SCAP: variants seen among roughly 807,000 people sequenced by gnomAD.
SCAP encodes the protein SREBF chaperone.
In SCAP, 65 loss-of-function variants were observed where a neutral mutation model predicts 123.6. That is an observed-to-expected ratio of 0.53 (90% CI 0.43 to 0.65). The LOEUF (loss-of-function observed/expected upper bound fraction) is 0.65. Among genes scored for constraint, SCAP ranks in the 30% least tolerant of loss-of-function variants. SCAP has a pLI of 0.00. For missense variants in SCAP, 1,398 were observed against 1,712.5 expected, an observed-to-expected ratio of 0.82 and a Z score of 3.24; for synonymous variants, 740 against 726.3, an observed-to-expected ratio of 1.02 and a Z score of -0.30.
intron 2 of SCAP, among the ~76,000 whole-genome samples, chr3:47,437,223 T>G (rs1207756397): frequency 6.6e-6 from 1 of 151,926 alleles, no homozygotes; most frequent in African/African-American, 2.4e-5. Flanking sequence ...GTGGATCACC[T>G]GAGATCGGGA....
At chr3:47,426,348 G>C (rs1365096942) in intron 6 of SCAP, among the ~76,000 whole-genome samples, 179 bp from the exon 7 acceptor site, 2 of 152,126 alleles carry the variant, frequency 1.3e-5, no homozygotes, top group African/African-American at 4.8e-5. Context: ...ATCACAAAGG[G>C]GACAAAGTTT....
intron 18 of SCAP, 122 bp downstream of exon 18, chr3:47,417,000 C>T (rs1159977809): frequency 9.6e-6 from 8 of 832,934 alleles, no homozygotes; most frequent in Non-Finnish European, 1.5e-5. Flanking sequence ...AGCTGGGCAC[C>T]AAGAAGGTCA....
chr3:47,468,162 T>C (rs1205392910), intron 1 of SCAP, among the ~76,000 whole-genome samples: 1 of 152,206 alleles, frequency 6.6e-6, no homozygotes, highest in East Asian at 1.9e-4. Flanking sequence ...CTATTGTGAA[T>C]AGTGCCGTAA....
At chr3:47,452,308 G>C (rs1435522305) in intron 1 of SCAP, among the ~76,000 whole-genome samples, 1 of 152,066 alleles carries the variant, frequency 6.6e-6, no homozygotes, top group Non-Finnish European at 1.5e-5. Flanking sequence ...ACAATCCCTT[G>C]AGCCCAGGAG....
Position 47,414,979 on chromosome 3 carries a change from C to T in SCAP, c.3154G>A (p.Gly1052Ser), listed in dbSNP as rs1424076109. Residue 1052 changes from glycine (G) to serine (S), a missense_variant, in exon 20 of 23, where the codon GGC (glycine) becomes AGC (serine). This residue lies in a region of SCAP where 828 missense variants were observed against 882.5 expected (regional missense o/e 0.94). Transcript: ENST00000265565. ...PLQFRGTPGR[G>S]SSPASPVYSS... ...TACACTGGAGAGGCAGGGGAACTGC[C>T]CCGCCCTGGGGTCCCTGAGGACAAA... The T allele has an allele frequency of 8.1e-6, 13 of 1,596,644 alleles. No individual in the cohort carries two copies. Among genetic ancestry groups the T allele is most frequent in the South Asian group, 6.8e-5 (6 of 88,722 alleles).
At chr3:47,468,156 T>C (rs901830558) in intron 1 of SCAP, among the ~76,000 whole-genome samples, 1 of 152,172 alleles carries the variant, frequency 6.6e-6, no homozygotes, top group Non-Finnish European at 1.5e-5. Context: ...TCTTTGCTAT[T>C]GTGAATAGTG....
chr3:47,435,661 C>T (rs1706550290), intron 2 of SCAP, among the ~76,000 whole-genome samples: 1 of 152,082 alleles, frequency 6.6e-6, no homozygotes, highest in Non-Finnish European at 1.5e-5. Context: ...GCTGAGATTA[C>T]AGGCGTAAGC....
chr3:47,423,821 A>G, intron 9 of SCAP, 112 bp downstream of exon 9: 1 of 772,062 alleles, frequency 1.3e-6, no homozygotes, highest in Non-Finnish European at 2.2e-6. Context: ...CGGAGGCAAG[A>G]GCAAGGGACA....
chr3:47,463,697 C>T (rs1576313702), intron 1 of SCAP, among the ~76,000 whole-genome samples: 1 of 152,096 alleles, frequency 6.6e-6, no homozygotes, highest in Non-Finnish European at 1.5e-5. Context: ...CAAAGTGAGA[C>T]TGTCCCTAAA....
Position 47,413,720 on chromosome 3 carries a change from T to C in SCAP, c.*134A>G. 1 of 1,268,592 alleles carries C rather than the reference T, an allele frequency of 7.9e-7. No homozygotes were observed. The highest frequency in any genetic ancestry group is 1.5e-5 in the South Asian group (1 of 68,810). 78.6% of individuals were successfully genotyped at this position (1,268,592 alleles called of 1,614,324 possible). A position where few individuals can be genotyped will look rare whatever the true frequency, so the allele number is the denominator to read the frequency against. On this transcript the variant is annotated 3_prime_UTR_variant, in exon 23 of 23. Transcript: ENST00000265565. ...CCTGACAGATGATGATATGGTTTTT[T>C]AAAAAAGTTTAATATTATTACAGTC...
chr3:47,413,887 C>G lies in SCAP; in HGVS notation c.3807G>C (p.Val1269=). 1 of 1,613,136 alleles carries G rather than the reference C, an allele frequency of 6.2e-7. No homozygotes were observed. Among genetic ancestry groups the G allele is most frequent in the Non-Finnish European group, 8.5e-7 (1 of 1,180,026 alleles). ...VCNFGSELSL[V]YVPSVLEKLD ...GCTTCTCCAGCACAGAGGGCACATA[C>G]ACCAGGCTGAGCTCACTGCCAAAGT... The change falls in exon 23 of 23, where the codon GTG becomes GTC. Residue 1269 remains valine (V), a synonymous_variant. Coordinates refer to ENST00000265565, the MANE Select transcript of SCAP (RefSeq NM_012235.4).
At position 47,426,167 on chromosome 3, in the gene SCAP, A is replaced by T. The variant is rs1407139200; in HGVS notation, c.740T>A (p.Phe247Tyr). ...TLVFQHYHAKFLGSLRARLML... is the reference protein window; with the variant it reads ...TLVFQHYHAKYLGSLRARLML... ...CAGGCGGGCACGCAGGCTGCCCAGGAACCTGGTCAAGGAGCAGGGTGGGGG... is the reference window on the plus strand; with the variant it reads ...CAGGCGGGCACGCAGGCTGCCCAGGTACCTGGTCAAGGAGCAGGGTGGGGG... The change falls in exon 7 of 23, where the codon TTC becomes TAC. Residue 247 changes from phenylalanine (F) to tyrosine (Y), a missense_variant and splice_region_variant. Transcript: ENST00000265565. The T allele has an allele frequency of 6.2e-7, 1 of 1,612,892 alleles. No individual in the cohort carries two copies. The highest frequency in any genetic ancestry group is 1.1e-5 in the South Asian group (1 of 90,980).
chr3:47,472,977 G>A (rs1254983652), intron 1 of SCAP, among the ~76,000 whole-genome samples: 7 of 151,172 alleles, frequency 4.6e-5, no homozygotes, highest in African/African-American at 1.7e-4. Context: ...CTACTCAGGA[G>A]GCTGAGGCAG....
intron 1 of SCAP, among the ~76,000 whole-genome samples, chr3:47,466,242 G>A (rs938730092): frequency 5.3e-5 from 8 of 151,440 alleles, no homozygotes; most frequent in Admixed American, 5.3e-4. Context: ...CAAGAACTAA[G>A]TTGAGGACTC....
chr3:47,417,852 AG>A, intron 16 of SCAP, 26 bp from the exon 17 acceptor site: 6 of 1,174,818 alleles, frequency 5.1e-6, no homozygotes, highest in Non-Finnish European at 6.6e-6. Context: ...GCGGAGTGAG[AG>A]GGGGCACGGG....
Position 47,418,492 on chromosome 3 carries a change from G to A in SCAP, c.2160C>T (p.Ile720=), listed in dbSNP as rs376996018. The change falls in exon 15 of 23, where the codon ATC becomes ATT. Residue 720 remains isoleucine, a synonymous_variant. Coordinates refer to ENST00000265565, the MANE Select transcript of SCAP (RefSeq NM_012235.4). Reference sequence around the variant, plus strand: ...GGCAGAGCAGCAGCAGCACCAAGACGATGCCGGTGGCCAGGCCCAGCGCCG... The same window carrying A: ...GGCAGAGCAGCAGCAGCACCAAGACAATGCCGGTGGCCAGGCCCAGCGCCG... ...KVAALGLATG[I]VLVLLLLCLY... 50 of 1,599,384 alleles carry A rather than the reference G, an allele frequency of 3.1e-5. 1 individual carries two copies. In the African/African-American group the frequency reaches 3.7e-4, roughly 12 times the overall value.
In SCAP at chr3:47,441,337, G is replaced by A. The variant is rs137921285; in HGVS notation, c.122+1535C>T. ...ACGAAAAACAGCCAAGTGTGGTGGC[G>A]CACACCTGTGGTTGTGGCTTCTTAG... On this transcript the variant is annotated intron_variant, in intron 2 of 22. Transcript: ENST00000265565. Among the ~76,000 whole-genome samples, 412 of 152,162 alleles carry A rather than the reference G, an allele frequency of 2.7e-3. 1 individual carries two copies. The highest frequency in any genetic ancestry group is 4.4e-3 in the Non-Finnish European group (302 of 68,002).
chr3:47,417,973 G>T (rs1478543589), intron 16 of SCAP, 147 bp from the exon 17 acceptor site: 32 of 524,462 alleles, frequency 6.1e-5, no homozygotes, highest in Admixed American at 3.3e-4. Context: ...GGGGAGAGGG[G>T]GGTACGGGGT....
intron 2 of SCAP, among the ~76,000 whole-genome samples, chr3:47,442,123 A>AT (rs1706832062): frequency 6.6e-6 from 1 of 152,090 alleles, no homozygotes; most frequent in Admixed American, 6.6e-5. Flanking sequence ...GAAAACATCT[A>AT]TAAATGTTTT....
Sources: gnomAD v4.1 joint callset for allele counts (sites outside exome capture counted in the v4.1 genomes callset) on GRCh38, gnomAD v4.1.1 for gene constraint, gnomAD v4.1.1 regional missense constraint, MANE v1.5 for transcripts, NCBI Gene and HGNC (gene_info 2026-07-23, HGNC 2026-07-21) for gene names.